ARHGEF11: variants seen among roughly 807,000 people sequenced by gnomAD.
ARHGEF11 encodes Rho guanine exchange factor (GEF) 11.
ARHGEF11 carries 55 observed loss-of-function variants against 193.7 expected under a neutral mutation model. That is an observed-to-expected ratio of 0.28 (90% CI 0.23 to 0.36). The LOEUF (loss-of-function observed/expected upper bound fraction) is 0.36. Ranked by LOEUF, ARHGEF11 falls within the 10% of genes least tolerant of loss-of-function variation. The probability of loss-of-function intolerance (pLI) is 1.00; values close to 1 mark genes in which losing one functional copy is unlikely to be tolerated. For synonymous variants in ARHGEF11, 693 were observed against 768.0 expected (o/e 0.90, Z 1.62); for missense variants, 1,723 against 2,005.6 (o/e 0.86, Z 2.69).
At chr1:157,010,668 A>T (rs547743746) in intron 1 of ARHGEF11, among the ~76,000 whole-genome samples, 1 of 152,176 alleles carries the variant, frequency 6.6e-6, no homozygotes, top group South Asian at 2.1e-4. Flanking sequence ...TCAGCCTCCC[A>T]AAGTGCTGGG....
intron 1 of ARHGEF11, among the ~76,000 whole-genome samples, chr1:157,027,735 C>A (rs1670822887): frequency 6.6e-6 from 1 of 152,204 alleles, no homozygotes; most frequent in Non-Finnish European, 1.5e-5. Flanking sequence ...TATGTCTTCT[C>A]CCCTGATCCT....
intron 1 of ARHGEF11, among the ~76,000 whole-genome samples, chr1:157,016,731 T>C (rs998214180): frequency 6.6e-6 from 1 of 152,196 alleles, no homozygotes; most frequent in Non-Finnish European, 1.5e-5. Flanking sequence ...GAAATTGGCA[T>C]GAGTTGATAA....
At chr1:156,968,980 G>A (rs745840868) in intron 10 of ARHGEF11, among the ~76,000 whole-genome samples, 1 of 152,164 alleles carries the variant, frequency 6.6e-6, no homozygotes, top group Non-Finnish European at 1.5e-5. Context: ...AGATTATTTC[G>A]TCTCTGCTCC....
Position 156,948,879 on chromosome 1 carries a change from C to A in ARHGEF11, c.1926-381G>T. On this transcript the variant is annotated intron_variant, in intron 22 of 40. Transcript: ENST00000368194. This position sits in a 1 kb window ranked among gnomAD's most constrained non-coding sequence, Gnocchi z 4.2. ...CATCATCGTCCCTCAACAGGGAACA[C>A]AAGGTCCCAGCTCCCTGCCCCTAGT... 1 of 985,436 alleles carries A rather than the reference C, an allele frequency of 1.0e-6. No individual in the cohort carries two copies. 61.0% of individuals were successfully genotyped at this position (985,436 alleles called of 1,614,324 possible).
chr1:156,992,652 A>G (rs1557917671), intron 1 of ARHGEF11, among the ~76,000 whole-genome samples: 1 of 152,198 alleles, frequency 6.6e-6, no homozygotes, highest in Non-Finnish European at 1.5e-5. Flanking sequence ...GTTGCTAAGC[A>G]ATAAAATACA....
At chr1:157,011,006 A>C (rs553428964) in intron 1 of ARHGEF11, among the ~76,000 whole-genome samples, 1 of 152,310 alleles carries the variant, frequency 6.6e-6, no homozygotes, top group African/African-American at 2.4e-5. Context: ...TGAGAAGTTG[A>C]CCCTAAAATT....
intron 1 of ARHGEF11, among the ~76,000 whole-genome samples, chr1:157,034,083 T>G (rs1671620822): frequency 6.6e-6 from 1 of 152,230 alleles, no homozygotes; most frequent in Non-Finnish European, 1.5e-5. Context: ...TTCCCAAACC[T>G]GAAACCCTGT....
intron 1 of ARHGEF11, among the ~76,000 whole-genome samples, chr1:157,007,773 A>G (rs1036717170): frequency 5.3e-5 from 8 of 152,290 alleles, no homozygotes; most frequent in Non-Finnish European, 8.8e-5. Flanking sequence ...TAAAATTGCA[A>G]TCCCACATTC....
rs201107480 is a variant in ARHGEF11, at chr1:156,937,472, G to A, written c.4217C>T (p.Pro1406Leu). The change falls in exon 39 of 41, where the codon CCA (proline) becomes CTA (leucine). Residue 1406 changes from proline (P) to leucine (L), a missense_variant. This residue lies in a region of ARHGEF11 where 360 missense variants were observed against 344.4 expected (regional missense o/e 1.05). Coordinates refer to ENST00000368194, the MANE Select transcript of ARHGEF11 (RefSeq NM_198236.3). ...GGTGCTTGAGTCCGGGGGTCCTGATGGCATGCTGACATAAAAGCAGTTCCC... is the reference window on the plus strand; with the variant it reads ...GGTGCTTGAGTCCGGGGGTCCTGATAGCATGCTGACATAAAAGCAGTTCCC... Reference protein sequence around the residue: ...ATGNCFYVSMPSGPPDSSTDH... With the variant: ...ATGNCFYVSMLSGPPDSSTDH... 8.8e-5 allele frequency: 135 copies of A among 1,532,012 alleles called. No individual in the cohort carries two copies. The African/African-American group carries it at 1.8e-3, about 20-fold the overall frequency. The allele number at this position is 1,532,012 out of a possible 1,614,324, so 94.9% of individuals were successfully genotyped here.
intron 3 of ARHGEF11, among the ~76,000 whole-genome samples, chr1:156,982,311 G>A (rs1281449839): frequency 6.6e-6 from 1 of 152,022 alleles, no homozygotes; most frequent in East Asian, 1.9e-4. Flanking sequence ...TGGACCTCTT[G>A]CCAGAAAGCA....
chr1:156,958,300 G>A (rs1660263185), intron 17 of ARHGEF11, among the ~76,000 whole-genome samples: 1 of 152,216 alleles, frequency 6.6e-6, no homozygotes, highest in Non-Finnish European at 1.5e-5. Flanking sequence ...TATTGCACTA[G>A]TTCAGTTTTC....
chr1:156,945,018 CCT>C lies in ARHGEF11; in HGVS notation c.2990_2991del (p.Ser998ProfsTer11). ...RASNPLAAEF[K>X]SLDLTTRKMI... ...TGACTGCTGCAGCCTCTGCCTCCTA[CCT>C]TGAACTCTGCTGCCAGGGGGTTGCT... is the stretch of plus-strand genomic sequence containing the variant. On this transcript the variant is annotated frameshift_variant and splice_region_variant, in exon 30 of 41. Transcript: ENST00000368194. LOFTEE classifies it high-confidence loss of function. The C allele has an allele frequency of 6.2e-7, 1 of 1,613,328 alleles. No individual in the cohort carries two copies. The highest frequency in any genetic ancestry group is 8.5e-7 in the Non-Finnish European group (1 of 1,179,870).
intron 1 of ARHGEF11, among the ~76,000 whole-genome samples, chr1:156,992,331 G>A (rs765534353): frequency 2.6e-5 from 4 of 152,132 alleles, no homozygotes; most frequent in Admixed American, 6.5e-5. Context: ...CCGCATTGGC[G>A]CACACATTCT....
intron 17 of ARHGEF11, 40 bp downstream of exon 17, chr1:156,958,702 T>C (rs1428958519): frequency 6.2e-7 from 1 of 1,613,324 alleles, no homozygotes; most frequent in East Asian, 2.2e-5. Context: ...TCAACCTGCT[T>C]AGGATGTTCA....
At position 156,962,460 on chromosome 1, in the gene ARHGEF11, C is replaced by T. The variant is rs78435998; in HGVS notation, c.1141-685G>A. The stretch of plus-strand genomic sequence containing the variant: ...CTTTCCCCGGCACTTTGGTCTCCAT[C>T]CCTTCACATTCCTTCTTGTCATCAC... On this transcript the variant is annotated intron_variant, in intron 13 of 40. Coordinates refer to ENST00000368194, the MANE Select transcript of ARHGEF11 (RefSeq NM_198236.3). Among the ~76,000 whole-genome samples, 1,467 of 152,264 alleles carry T rather than the reference C, an allele frequency of 9.6e-3. 11 individuals are homozygous for T. Among genetic ancestry groups the T allele is most frequent in the Non-Finnish European group, 0.016 (1,065 of 67,998 alleles).
In ARHGEF11 at chr1:156,947,395, G is replaced by T; in HGVS notation, c.2397C>A (p.Ile799=). The T allele has an allele frequency of 6.2e-7, 1 of 1,614,040 alleles. No homozygotes were observed. The highest frequency in any genetic ancestry group is 1.1e-5 in the South Asian group (1 of 91,070). Residue 799 remains isoleucine (I), a synonymous_variant, in exon 26 of 41, where the codon ATC becomes ATA. Coordinates refer to ENST00000368194, the MANE Select transcript of ARHGEF11 (RefSeq NM_198236.3). ...HLRTLRVLDL[I]FYQRMKKENL... is the part of the protein sequence containing the mutation. ...TCTCCTTCTTCATTCGCTGGTAGAA[G>T]ATCAGGTCCAGGACCCGGAGTGTGC...
At position 156,955,771 on chromosome 1, in the gene ARHGEF11, G is replaced by A; in HGVS notation, c.1700C>T (p.Ala567Val). ...KSSNSKKEKD[A>V]LEDKKRNPIL... ...AGGGTTTCGCTTCTTGTCCTCCAAGGCATCCTTTTCTTTCTTGGAATTGCT... is the reference window on the plus strand; with the variant it reads ...AGGGTTTCGCTTCTTGTCCTCCAAGACATCCTTTTCTTTCTTGGAATTGCT... Residue 567 changes from alanine to valine, a missense_variant, in exon 20 of 41, where the codon GCC becomes GTC. Physicochemically the swap from Ala to Val is moderately conservative, Grantham distance 64. Coordinates refer to ENST00000368194, the MANE Select transcript of ARHGEF11 (RefSeq NM_198236.3). The A allele has an allele frequency of 1.2e-6, 2 of 1,614,090 alleles. No homozygotes were observed. The highest frequency in any genetic ancestry group is 1.3e-5 in the African/African-American group (1 of 75,042).
chr1:157,005,209 C>T lies in ARHGEF11; in HGVS notation c.33-19036G>A, dbSNP rs191897765. Among the ~76,000 whole-genome samples, 44 of 152,322 alleles carry T rather than the reference C, an allele frequency of 2.9e-4. No individual in the cohort carries two copies. In the East Asian group the frequency reaches 7.7e-3, roughly 27 times the overall value. Reference sequence around the variant, plus strand: ...TTGCTTGGGCAGTGGATTTGCTCAGCTTGGTTTGATGACTGCCTTATACCC... The same window carrying T: ...TTGCTTGGGCAGTGGATTTGCTCAGTTTGGTTTGATGACTGCCTTATACCC... On this transcript the variant is annotated intron_variant, in intron 1 of 40. Coordinates refer to ENST00000368194, the MANE Select transcript of ARHGEF11 (RefSeq NM_198236.3).
intron 1 of ARHGEF11, among the ~76,000 whole-genome samples, chr1:157,026,716 A>G (rs1670685594): frequency 6.6e-6 from 1 of 152,238 alleles, no homozygotes; most frequent in Non-Finnish European, 1.5e-5. Flanking sequence ...CTTTCTCACT[A>G]TTAAGGAGAA....
Sources: allele counts gnomAD v4.1 joint callset (sites outside exome capture counted in the v4.1 genomes callset), GRCh38; gene constraint gnomAD v4.1.1; regional missense constraint gnomAD v4.1.1; non-coding constraint Gnocchi (gnomAD v3.1); transcripts MANE v1.5; gene names NCBI Gene and HGNC (gene_info 2026-07-23, HGNC 2026-07-21).